METTL2B: variants seen among roughly 807,000 people sequenced by gnomAD.
METTL2B encodes the protein tRNA N(3)-cytidine methyltransferase METTL2B.
METTL2B carries 28 observed loss-of-function variants against 51.0 expected under a neutral mutation model. That is an observed-to-expected ratio of 0.55 (90% confidence interval 0.41 to 0.75). METTL2B has a LOEUF of 0.75. Ranked by LOEUF, METTL2B falls within the 30% of genes least tolerant of loss-of-function variation. The pLI, the probability that METTL2B is intolerant of heterozygous loss-of-function variation, is 0.00. For synonymous variants in METTL2B, 128 were observed against 166.3 expected, an observed-to-expected ratio of 0.77 and a Z score of 1.77; for missense variants, 313 against 460.7, an observed-to-expected ratio of 0.68 and a Z score of 2.93.
At chr7:128,500,100 G>A (rs532490157) in intron 7 of METTL2B, among the ~76,000 whole-genome samples, 5 of 152,280 alleles carry the variant, frequency 3.3e-5, no homozygotes, top group African/African-American at 1.2e-4. Flanking sequence ...ATACACGTGT[G>A]ATGATTTGGG....
Position 128,498,226 on chromosome 7 carries a change from G to A in METTL2B, c.916+84G>A, listed in dbSNP as rs543921361. 2.2e-5 allele frequency: 32 copies of A among 1,459,552 alleles called. 1 individual carries two copies. The South Asian group carries it at 3.8e-4, about 17-fold the overall frequency. The allele number at this position is 1,459,552 out of a possible 1,614,324, so 90.4% of individuals were successfully genotyped here. ...ATGAAGCTGGAAATCATCATTCTCA[G>A]CAAACTAACACAAGAACAGAAAACC... On this transcript the variant is annotated intron_variant, in intron 7 of 8. Transcript: ENST00000262432.
intron 4 of METTL2B, among the ~76,000 whole-genome samples, chr7:128,485,900 G>A (rs1792695108): frequency 6.6e-6 from 1 of 152,190 alleles, no homozygotes; most frequent in Non-Finnish European, 1.5e-5. Context: ...GTATGCAGGA[G>A]GATGTGTGTG....
At position 128,484,248 on chromosome 7, in the gene METTL2B, G is replaced by A. The variant is rs1461785757; in HGVS notation, c.608+3552G>A. 3 of 11,368 alleles carry A rather than the reference G, an allele frequency of 2.6e-4. No individual in the cohort carries two copies. In the South Asian group the frequency reaches 8.7e-3, roughly 33 times the overall value. The allele number at this position is 11,368 out of a possible 1,614,324, so 0.7% of individuals were successfully genotyped here. On this transcript the variant is annotated intron_variant, in intron 4 of 8. Coordinates refer to ENST00000262432, the MANE Select transcript of METTL2B (RefSeq NM_018396.3). The stretch of plus-strand genomic sequence containing the variant: ...TTTTTTTTTTTTTTTTTTTTTTTGA[G>A]ACAGGATTTCTGTCACCCAAGCTGG...
At chr7:128,489,663 C>G (rs1238820789) in intron 5 of METTL2B, among the ~76,000 whole-genome samples, 2 of 128,740 alleles carry the variant, frequency 1.6e-5, no homozygotes, top group African/African-American at 5.8e-5. Context: ...GAGTCTCGCT[C>G]TGTCGCCCAG....
At chr7:128,501,039 A>C in intron 8 of METTL2B, 71 bp downstream of exon 8, 3 of 1,604,550 alleles carry the variant, frequency 1.9e-6, no homozygotes, top group Non-Finnish European at 2.6e-6. Context: ...ATTCAGAAGG[A>C]AAACTATCTG....
At chr7:128,495,245 TA>T (rs1792905000) in intron 6 of METTL2B, among the ~76,000 whole-genome samples, 2 of 152,142 alleles carry the variant, frequency 1.3e-5, no homozygotes, top group Admixed American at 6.6e-5. Context: ...ATGCTTTAAA[TA>T]AAACAACCTT....
At chr7:128,483,139 C>T (rs1193194789) in intron 4 of METTL2B, 1 of 152,162 alleles carries the variant, frequency 6.6e-6, no homozygotes, top group Admixed American at 6.5e-5. Context: ...GACTTAGCTT[C>T]AAGTTATGGC....
intron 6 of METTL2B, among the ~76,000 whole-genome samples, chr7:128,496,721 C>G (rs1792929077): frequency 6.6e-6 from 1 of 152,116 alleles, no homozygotes; most frequent in Non-Finnish European, 1.5e-5. Context: ...AAGAGTCCAG[C>G]CTGGGCAACA....
chr7:128,481,489 GTGTT>G (rs1374746628), intron 4 of METTL2B, among the ~76,000 whole-genome samples: 1 of 152,208 alleles, frequency 6.6e-6, no homozygotes, highest in Non-Finnish European at 1.5e-5. Context: ...TTACATTTAT[GTGTT>G]TGTTATGAAG....
Position 128,503,534 on chromosome 7 carries a change from G to T in METTL2B, c.*1618G>T, listed in dbSNP as rs1332571302. ...CATTATCACCTCGAACTTCTGGCTTGAGCCATCGCTCCACCTCAGCCTCCT... is the reference window on the plus strand; with the variant it reads ...CATTATCACCTCGAACTTCTGGCTTTAGCCATCGCTCCACCTCAGCCTCCT... On this transcript the variant is annotated 3_prime_UTR_variant, in exon 9 of 9. Transcript: ENST00000262432. The T allele has an allele frequency of 6.6e-6, 1 of 150,774 alleles. No individual in the cohort carries two copies. The highest frequency in any genetic ancestry group is 2.4e-5 in the African/African-American group (1 of 40,968). The allele number at this position is 150,774 out of a possible 1,614,324, so 9.3% of individuals were successfully genotyped here.
rs1793120532 is a variant in METTL2B, at chr7:128,506,334, TTTTTA to T, written c.*4425_*4429del. On this transcript the variant is annotated 3_prime_UTR_variant, in exon 9 of 9. Transcript: ENST00000262432. ...AAGCATTGCAAAACTATAGGCACAG[TTTTTA>T]TTTTATCTTTCTGGCACCTGGTTTG... The T allele has an allele frequency of 6.6e-6, 1 of 152,202 alleles. No individual in the cohort carries two copies. The highest frequency in any genetic ancestry group is 2.4e-5 in the African/African-American group (1 of 41,460). The allele number at this position is 152,202 out of a possible 1,614,324, so 9.4% of individuals were successfully genotyped here.
At chr7:128,480,139 C>T (rs1799855445) in intron 3 of METTL2B, among the ~76,000 whole-genome samples, 1 of 152,158 alleles carries the variant, frequency 6.6e-6, no homozygotes, top group Non-Finnish European at 1.5e-5. Flanking sequence ...GAGACTGCTG[C>T]CTCTGCACCT....
rs914752239 is a variant in METTL2B at position 128,503,886 on chromosome 7, T to C, written c.*1970T>C. On this transcript the variant is annotated 3_prime_UTR_variant, in exon 9 of 9. Transcript: ENST00000262432. ...GGTTGTGGGCGCCTGTAATCCCAGCTACTCAGGAGGCTGAGGTAGGAGAAT... is the reference window on the plus strand; with the variant it reads ...GGTTGTGGGCGCCTGTAATCCCAGCCACTCAGGAGGCTGAGGTAGGAGAAT... 2.6e-5 allele frequency: 4 copies of C among 152,018 alleles called. No homozygotes were observed. The highest frequency in any genetic ancestry group is 9.7e-5 in the African/African-American group (4 of 41,380). The allele number at this position is 152,018 out of a possible 1,614,324, so 9.4% of individuals were successfully genotyped here.
intron 5 of METTL2B, among the ~76,000 whole-genome samples, chr7:128,489,660 G>A (rs1792791714): frequency 1.6e-5 from 2 of 122,076 alleles, no homozygotes; most frequent in African/African-American, 3.1e-5. Flanking sequence ...ACGGAGTCTC[G>A]CTCTGTCGCC....
At chr7:128,484,463 A>G (rs555965401) in intron 4 of METTL2B, among the ~76,000 whole-genome samples, 5 of 151,632 alleles carry the variant, frequency 3.3e-5, no homozygotes, top group African/African-American at 1.2e-4. Flanking sequence ...TTTTTAATGT[A>G]TCTGATAAAG....
chr7:128,486,792 G>T (rs1198557735), intron 4 of METTL2B, among the ~76,000 whole-genome samples: 2 of 152,134 alleles, frequency 1.3e-5, no homozygotes, highest in African/African-American at 4.8e-5. Flanking sequence ...GGGTGTGGTG[G>T]TGCGCACCTG....
intron 5 of METTL2B, among the ~76,000 whole-genome samples, chr7:128,489,268 TAAAGA>T (rs1312263297): frequency 1.3e-5 from 2 of 151,790 alleles, no homozygotes; most frequent in African/African-American, 2.4e-5. Flanking sequence ...CCATCTCTAC[TAAAGA>T]AAAATACAAG....
At chr7:128,486,699 T>G (rs1306502034) in intron 4 of METTL2B, among the ~76,000 whole-genome samples, 1 of 151,794 alleles carries the variant, frequency 6.6e-6, no homozygotes, top group African/African-American at 2.4e-5. Context: ...CCGAGGCAGG[T>G]GGATCACCTG....
intron 6 of METTL2B, among the ~76,000 whole-genome samples, chr7:128,496,376 T>C (rs1247265095): frequency 1.3e-5 from 2 of 152,036 alleles, no homozygotes; most frequent in South Asian, 2.1e-4. Flanking sequence ...AAGACCCCTG[T>C]CTCTACTAAA....
Sources: allele counts gnomAD v4.1 joint callset (sites outside exome capture counted in the v4.1 genomes callset), GRCh38; gene constraint gnomAD v4.1.1; transcripts MANE v1.5; gene names NCBI Gene and HGNC (gene_info 2026-07-23, HGNC 2026-07-21).